Variants in KSR1 observed in about 807,000 individuals in gnomAD.
The protein encoded by KSR1 is kinase suppressor of ras 1, also known as kinase suppressor of ras.
Under a neutral mutation model 92.9 loss-of-function variants are expected in KSR1, and 35 were observed. The ratio of observed to expected loss-of-function variants is 0.38; its 90% CI spans 0.29 to 0.50. The LOEUF is 0.50. Ranked by LOEUF, KSR1 falls within the 20% of genes least tolerant of loss-of-function variation. KSR1 has a pLI of 0.94. For synonymous variants in KSR1, 467 were observed against 472.6 expected, an observed-to-expected ratio of 0.99 and a Z score of 0.15; for missense variants, 972 against 1,158.5, an observed-to-expected ratio of 0.84 and a Z score of 2.34.
chr17:27,545,319 T>G, intron 1 of KSR1, among the ~76,000 whole-genome samples: 1 of 152,232 alleles, frequency 6.6e-6, no homozygotes, highest in East Asian at 1.9e-4. Flanking sequence ...TCGCTGCCAT[T>G]TGATAAACTT....
chr17:27,617,970 G>A (rs568672848), intron 19 of KSR1, among the ~76,000 whole-genome samples: 13 of 152,204 alleles, frequency 8.5e-5, no homozygotes, highest in African/African-American at 2.6e-4. Context: ...CCAGTTTGCC[G>A]CTATGAAATA....
intron 2 of KSR1, among the ~76,000 whole-genome samples, chr17:27,574,821 T>C (rs141067609): frequency 2.6e-4 from 39 of 152,380 alleles, no homozygotes; most frequent in African/African-American, 9.4e-4. Context: ...TGATGTGGAA[T>C]GTCTGGCCTT....
At chr17:27,586,047 A>G (rs2072955058) in intron 5 of KSR1, 1 of 264,790 alleles carries the variant, frequency 3.8e-6, no homozygotes, top group Non-Finnish European at 7.2e-6. Context: ...ATTTCGCTAG[A>G]CTTTAGCCAT....
intron 1 of KSR1, among the ~76,000 whole-genome samples, chr17:27,542,599 A>G (rs1016929991): frequency 2.6e-5 from 4 of 152,196 alleles, no homozygotes; most frequent in African/African-American, 7.2e-5. Context: ...CTTTGTTTGC[A>G]AAGTCAGTCG....
At chr17:27,541,739 C>G (rs1011769635) in intron 1 of KSR1, among the ~76,000 whole-genome samples, 4 of 152,210 alleles carry the variant, frequency 2.6e-5, no homozygotes, top group African/African-American at 7.2e-5. Context: ...GTTACAAAGG[C>G]TGGTGCCTTG....
intron 1 of KSR1, among the ~76,000 whole-genome samples, chr17:27,528,709 G>A (rs1292466565): frequency 6.6e-6 from 1 of 152,038 alleles, no homozygotes; most frequent in African/African-American, 2.4e-5. Context: ...GACCAGCCTG[G>A]GCAAGATGGT....
intron 5 of KSR1, among the ~76,000 whole-genome samples, chr17:27,586,854 C>T (rs1364397683): frequency 6.6e-6 from 1 of 152,140 alleles, no homozygotes; most frequent in Non-Finnish European, 1.5e-5. Context: ...TAGCTGGCAC[C>T]TTTGGCCCCA....
At position 27,456,940 on chromosome 17, in the gene KSR1, T is replaced by C. The variant is rs2019200696; in HGVS notation, c.231+66T>C. 4 of 736,160 alleles carry C rather than the reference T, an allele frequency of 5.4e-6. No individual in the cohort carries two copies. In the South Asian group the frequency reaches 5.6e-5, roughly 10 times the overall value. The allele number at this position is 736,160 out of a possible 1,614,324, so 45.6% of individuals were successfully genotyped here. ...CCGGACACCTCCCTCCGGGCCCCAG[T>C]ACTCCTGGCCGAGTTGCATCCTTGA... is the stretch of plus-strand genomic sequence containing the variant. On this transcript the variant is annotated intron_variant, in intron 1 of 20. Transcript: ENST00000644974.
chr17:27,550,760 G>A lies in KSR1; in HGVS notation c.372+52G>A, dbSNP rs2071369402. ...GATAGGCATGAGGGGCCAAGCAGAG[G>A]GAACACACACAAACCCGAGGGCTAG... is the stretch of plus-strand genomic sequence containing the variant. On this transcript the variant is annotated intron_variant, in intron 2 of 20. Coordinates refer to ENST00000644974, the MANE Select transcript of KSR1 (RefSeq NM_001394583.1). 4 of 741,280 alleles carry A rather than the reference G, an allele frequency of 5.4e-6. No individual in the cohort carries two copies. The Middle Eastern group carries it at 1.1e-3, about 201-fold the overall frequency. 45.9% of individuals were successfully genotyped at this position (741,280 alleles called of 1,614,324 possible).
intron 6 of KSR1, 39 bp downstream of exon 6, chr17:27,588,574 C>T (rs767620682): frequency 2.3e-5 from 36 of 1,544,284 alleles, no homozygotes; most frequent in African/African-American, 4.1e-5. Context: ...AGGGCACAGC[C>T]GGGCTGGTAC....
intron 3 of KSR1, among the ~76,000 whole-genome samples, chr17:27,580,459 C>G (rs879555118): frequency 6.6e-6 from 1 of 152,280 alleles, no homozygotes; most frequent in East Asian, 1.9e-4. Flanking sequence ...ATTCATCCCC[C>G]CTATTCTTGA....
At chr17:27,604,027 G>T in intron 12 of KSR1, 139 bp downstream of exon 12, 1 of 842,138 alleles carries the variant, frequency 1.2e-6, no homozygotes, top group South Asian at 1.5e-5. Context: ...TTCACCCTCT[G>T]GGCAAGTGAA....
At chr17:27,488,768 A>T (rs1282843490) in intron 1 of KSR1, among the ~76,000 whole-genome samples, 2 of 152,206 alleles carry the variant, frequency 1.3e-5, no homozygotes, top group Non-Finnish European at 2.9e-5. Context: ...GATCGAGACC[A>T]TTCTGGCCAA....
chr17:27,579,584 G>C (rs2072657971), intron 3 of KSR1: 1 of 152,114 alleles, frequency 6.6e-6, no homozygotes, highest in Non-Finnish European at 1.5e-5. Flanking sequence ...TCTAAAGAAA[G>C]GTGAGTGAAC....
chr17:27,497,321 G>A (rs1020501516), intron 1 of KSR1, among the ~76,000 whole-genome samples: 3 of 152,206 alleles, frequency 2.0e-5, no homozygotes, highest in Admixed American at 6.5e-5. Flanking sequence ...TCTTATCGTG[G>A]GACCAGCTGT....
intron 11 of KSR1, among the ~76,000 whole-genome samples, chr17:27,603,205 C>A (rs1220474480): frequency 6.6e-6 from 1 of 152,216 alleles, no homozygotes; most frequent in Non-Finnish European, 1.5e-5. Flanking sequence ...GGGATCAGCC[C>A]CAGCTGCCCA....
At chr17:27,550,824 T>G (rs2071372403) in intron 2 of KSR1, 116 bp downstream of exon 2, 1 of 635,804 alleles carries the variant, frequency 1.6e-6, no homozygotes, top group East Asian at 2.7e-5. Flanking sequence ...TGCTCTCTAG[T>G]CTTGAGAAGG....
intron 1 of KSR1, among the ~76,000 whole-genome samples, chr17:27,489,853 G>A (rs1268320903): frequency 1.3e-5 from 2 of 152,212 alleles, no homozygotes; most frequent in African/African-American, 4.8e-5. Flanking sequence ...TGGGAGGTCC[G>A]CAGGGAGAAA....
chr17:27,607,607 C>T lies in KSR1; in HGVS notation c.1995-307C>T, dbSNP rs567455686. Among the ~76,000 whole-genome samples the T allele has an allele frequency of 1.6e-3, 244 of 152,316 alleles. 1 individual carries two copies. The highest frequency in any genetic ancestry group is 5.8e-3 in the African/African-American group (241 of 41,570). ...TCAGAGTGGTCCTGCCTTGAACCCACCAAGCATGGCTACTCTGAGTTCCTG... is the reference window on the plus strand; with the variant it reads ...TCAGAGTGGTCCTGCCTTGAACCCATCAAGCATGGCTACTCTGAGTTCCTG... On this transcript the variant is annotated intron_variant, in intron 14 of 20. Coordinates refer to ENST00000644974, the MANE Select transcript of KSR1 (RefSeq NM_001394583.1).
Sources: allele counts gnomAD v4.1 joint callset (sites outside exome capture counted in the v4.1 genomes callset), GRCh38; gene constraint gnomAD v4.1.1; transcripts MANE v1.5; gene names NCBI Gene and HGNC (gene_info 2026-07-23, HGNC 2026-07-21).